Variants in SLIT2 observed in about 807,000 individuals in gnomAD.
SLIT2 encodes slit homolog 2 protein.
Under a neutral mutation model 185.7 loss-of-function variants are expected in SLIT2, and 41 were observed. The ratio of observed to expected loss-of-function variants is 0.22; its 90% CI spans 0.17 to 0.29. The LOEUF is 0.29. Ranked by LOEUF, SLIT2 falls within the 10% of genes least tolerant of loss-of-function variation. The pLI is 1.00. For synonymous variants in SLIT2, 693 were observed against 680.2 expected, an observed-to-expected ratio of 1.02 and a Z score of -0.29; for missense variants, 1,571 against 1,909.0, an observed-to-expected ratio of 0.82 and a Z score of 3.30.
chr4:20,386,847 T>A (rs960473158), intron 4 of SLIT2, among the ~76,000 whole-genome samples: 7 of 152,214 alleles, frequency 4.6e-5, no homozygotes, highest in African/African-American at 1.7e-4. Context: ...AGAACGGAAT[T>A]GTAGCATTTT....
intron 14 of SLIT2, among the ~76,000 whole-genome samples, chr4:20,524,395 A>G (rs1258999295): frequency 2.0e-5 from 3 of 152,204 alleles, no homozygotes; most frequent in Non-Finnish European, 4.4e-5. Flanking sequence ...GAAATAGGCA[A>G]TTGACCAAGT....
At position 20,510,420 on chromosome 4, in the gene SLIT2, T is replaced by C. The variant is rs1363854024; in HGVS notation, c.915-75T>C. On this transcript the variant is annotated intron_variant, in intron 9 of 36. Coordinates refer to ENST00000504154, the MANE Select transcript of SLIT2 (RefSeq NM_004787.4). ...AGAACATCAACTTTACTTCTTGACA[T>C]GAATCCTGAGCTTGAATTAAACATG... The C allele has an allele frequency of 5.4e-6, 5 of 932,748 alleles. No homozygotes were observed. In the Admixed American group the frequency reaches 5.7e-5, roughly 11 times the overall value. The allele number at this position is 932,748 out of a possible 1,614,324, so 57.8% of individuals were successfully genotyped here. A position where few individuals can be genotyped will look rare whatever the true frequency, so the allele number is the denominator to read the frequency against.
chr4:20,521,072 C>G (rs1296097651), intron 12 of SLIT2, among the ~76,000 whole-genome samples: 1 of 152,234 alleles, frequency 6.6e-6, no homozygotes, highest in Admixed American at 6.5e-5. Context: ...TTCCCCTAGA[C>G]TTACTCTCCA....
chr4:20,270,188 A>G (rs2109031141), intron 4 of SLIT2, among the ~76,000 whole-genome samples: 1 of 152,070 alleles, frequency 6.6e-6, no homozygotes, highest in Middle Eastern at 3.4e-3. Flanking sequence ...ATATCAGTAG[A>G]TAATTATATC....
intron 17 of SLIT2, 63 bp from the exon 18 acceptor site, chr4:20,533,509 A>T: frequency 7.9e-7 from 1 of 1,271,516 alleles, no homozygotes; most frequent in Non-Finnish European, 1.1e-6. Context: ...ATTATCAACT[A>T]TGTTTCAATT....
In SLIT2 at chr4:20,612,311, C is replaced by CA. The variant is rs770199955; in HGVS notation, c.3847+2156dup. Among the ~76,000 whole-genome samples, 974 of 126,002 alleles carry CA rather than the reference C, an allele frequency of 7.7e-3. 8 individuals are homozygous for CA. Among genetic ancestry groups the CA allele is most frequent in the African/African-American group, 0.022 (755 of 34,082 alleles). The allele number at this position is 126,002 out of a possible 152,430, so 82.7% of individuals were successfully genotyped here. A position where few individuals can be genotyped will look rare whatever the true frequency, so the allele number is the denominator to read the frequency against. On this transcript the variant is annotated intron_variant, in intron 34 of 36. Transcript: ENST00000504154. The stretch of plus-strand genomic sequence containing the variant: ...GTCAGAACATTCCCCCGCCCCCCGC[C>CA]AAAAAAAAAAAAGAGGAAAAAAAGT...
intron 5 of SLIT2, among the ~76,000 whole-genome samples, chr4:20,478,389 G>C (rs1322240043): frequency 1.3e-5 from 2 of 152,182 alleles, no homozygotes; most frequent in African/African-American, 4.8e-5. Flanking sequence ...ATATGAAGAA[G>C]CGTATAACCA....
chr4:20,421,013 C>G (rs1728132358), intron 4 of SLIT2, among the ~76,000 whole-genome samples: 1 of 152,144 alleles, frequency 6.6e-6, no homozygotes, highest in South Asian at 2.1e-4. Context: ...GTGGTATTTT[C>G]TGATGGCATC....
chr4:20,506,663 C>A (rs1009990669), intron 9 of SLIT2, among the ~76,000 whole-genome samples: 1 of 151,902 alleles, frequency 6.6e-6, no homozygotes, highest in Admixed American at 6.6e-5. Context: ...AAAATTCTTA[C>A]AATGAAAAGG....
intron 4 of SLIT2, among the ~76,000 whole-genome samples, chr4:20,299,678 TGTGAG>T (rs1367445959): frequency 2.0e-5 from 3 of 151,450 alleles, no homozygotes; most frequent in Non-Finnish European, 4.4e-5. Flanking sequence ...AGTTTTGTGA[TGTGAG>T]GTGATGTGAT....
chr4:20,559,952 A>C (rs1195538361), intron 26 of SLIT2, among the ~76,000 whole-genome samples: 3 of 151,946 alleles, frequency 2.0e-5, no homozygotes, highest in Admixed American at 2.0e-4. Flanking sequence ...GTAAAAATGG[A>C]TTGGTAGAAG....
intron 4 of SLIT2, among the ~76,000 whole-genome samples, chr4:20,392,996 A>G (rs143320013): frequency 2.0e-5 from 3 of 152,074 alleles, no homozygotes; most frequent in African/African-American, 4.8e-5. Context: ...TAAGTACATA[A>G]TATTAGGTGC....
chr4:20,605,825 C>A (rs1728756398), intron 33 of SLIT2, among the ~76,000 whole-genome samples: 1 of 151,654 alleles, frequency 6.6e-6, no homozygotes, highest in Non-Finnish European at 1.5e-5. Flanking sequence ...CGGCTCACTG[C>A]AACCTCTGCC....
At chr4:20,331,263 T>C (rs1447872107) in intron 4 of SLIT2, among the ~76,000 whole-genome samples, 1 of 152,168 alleles carries the variant, frequency 6.6e-6, no homozygotes, top group African/African-American at 2.4e-5. Flanking sequence ...TGATGCTATC[T>C]GGAGGTAAAA....
rs1458725943 is a variant in SLIT2, at chr4:20,610,082, G to A, written c.3762G>A (p.Leu1254=). The A allele has an allele frequency of 6.2e-7, 1 of 1,613,510 alleles. No individual in the cohort carries two copies. The highest frequency in any genetic ancestry group is 1.3e-5 in the African/African-American group (1 of 74,854). The change falls in exon 34 of 37, where the codon TTG becomes TTA. Residue 1254 remains leucine (L), a synonymous_variant. Coordinates refer to ENST00000504154, the MANE Select transcript of SLIT2 (RefSeq NM_004787.4). Reference sequence around the variant, plus strand: ...TTGCCTTGGATCAGAGTCTCTCTTTGTCCGTGGATGGTGGGAACCCCAAAA... The same window carrying A: ...TTGCCTTGGATCAGAGTCTCTCTTTATCCGTGGATGGTGGGAACCCCAAAA... The part of the protein sequence containing the change: ...ELLALDQSLS[L]SVDGGNPKII...
At chr4:20,343,647 A>G (rs891233075) in intron 4 of SLIT2, among the ~76,000 whole-genome samples, 1 of 151,870 alleles carries the variant, frequency 6.6e-6, no homozygotes, top group African/African-American at 2.4e-5. Flanking sequence ...GGCTACAGGC[A>G]TGTGCCACTG....
chr4:20,456,934 C>T (rs1713133996), intron 4 of SLIT2, among the ~76,000 whole-genome samples: 1 of 151,936 alleles, frequency 6.6e-6, no homozygotes, highest in Non-Finnish European at 1.5e-5. Flanking sequence ...TACCTGATTT[C>T]ATTAAAGATA....
chr4:20,593,179 A>G (rs565719895), intron 30 of SLIT2, among the ~76,000 whole-genome samples: 2 of 152,280 alleles, frequency 1.3e-5, no homozygotes, highest in Non-Finnish European at 2.9e-5. Context: ...GAATTATTTT[A>G]AAAACCAGCC....
chr4:20,520,033 C>CAAAAAAAA (rs34644308), intron 12 of SLIT2, among the ~76,000 whole-genome samples: 1 of 68,378 alleles, frequency 1.5e-5, no homozygotes, highest in Non-Finnish European at 2.6e-5. Context: ...GACTCCGTCT[C>CAAAAAAAA]AAAAAAAAAA....
Sources: allele counts gnomAD v4.1 joint callset (sites outside exome capture counted in the v4.1 genomes callset), GRCh38; gene constraint gnomAD v4.1.1; transcripts MANE v1.5; gene names NCBI Gene and HGNC (gene_info 2026-07-23, HGNC 2026-07-21).